STAT3: variants seen among roughly 807,000 people sequenced by gnomAD.
The protein encoded by STAT3 is signal transducer and activator of transcription 3.
Under a neutral mutation model 114.3 loss-of-function variants are expected in STAT3, and 7 were observed. That is an observed-to-expected ratio of 0.06 (90% confidence interval 0.03 to 0.11). The LOEUF (loss-of-function observed/expected upper bound fraction) is 0.11. Ranked by LOEUF, STAT3 falls within the 10% of genes least tolerant of loss-of-function variation. The probability of loss-of-function intolerance (pLI) is 1.00; values close to 1 mark genes in which losing one functional copy is unlikely to be tolerated. For missense variants in STAT3, 364 were observed against 960.9 expected, an observed-to-expected ratio of 0.38 and a Z score of 8.21; for synonymous variants, 331 against 354.5, an observed-to-expected ratio of 0.93 and a Z score of 0.74.
At chr17:42,351,151 A>G (rs1020765964) in intron 1 of STAT3, among the ~76,000 whole-genome samples, 3 of 151,888 alleles carry the variant, frequency 2.0e-5, no homozygotes, top group African/African-American at 7.2e-5. Flanking sequence ...AAAAAAAGAA[A>G]AGAAAAGAAA....
In STAT3 at chr17:42,337,496, G is replaced by A. The variant is rs2144873311; in HGVS notation, c.736C>T (p.Arg246Trp). The A allele has an allele frequency of 6.2e-7, 1 of 1,614,146 alleles. No individual in the cohort carries two copies. The highest frequency in any genetic ancestry group is 8.5e-7 in the Non-Finnish European group (1 of 1,180,024). Reference sequence around the variant, plus strand: ...CCTCCAATGCAGGCAATCTGTTGCCGCCTCTTCCAGTCAGCCAGCTCCTCG... The same window carrying A: ...CCTCCAATGCAGGCAATCTGTTGCCACCTCTTCCAGTCAGCCAGCTCCTCG... ...TDEELADWKR[R>W]QQIACIGGPP... The change falls in exon 8 of 24, where the codon CGG becomes TGG. Residue 246 changes from arginine (R) to tryptophan (W), a missense_variant. Arg to Trp is a moderately radical substitution (Grantham distance 101). This residue lies in a region of STAT3 where 294 missense variants were observed against 745.1 expected (regional missense o/e 0.39). Transcript: ENST00000264657. The surrounding 1 kb of genome is among the most constrained non-coding windows in gnomAD (Gnocchi z 4.0).
chr17:42,340,924 C>T (rs1426801572), intron 4 of STAT3, among the ~76,000 whole-genome samples: 1 of 152,124 alleles, frequency 6.6e-6, no homozygotes, highest in Non-Finnish European at 1.5e-5. Flanking sequence ...TATCCCTCTG[C>T]CTTGTTGGTC....
chr17:42,335,785 C>T (rs1276287630), intron 8 of STAT3, among the ~76,000 whole-genome samples: 1 of 152,082 alleles, frequency 6.6e-6, no homozygotes, highest in Non-Finnish European at 1.5e-5. Flanking sequence ...ATCGCTTGAA[C>T]CTGGGAGGAG....
rs756779964 is a variant in STAT3, at chr17:42,323,138, A to G, written c.1754T>C (p.Ile585Thr). Reference protein sequence around the residue: ...YILALWNEGYIMGFISKERER... With the variant: ...YILALWNEGYTMGFISKERER... ...CCGCTCCTTACTGATAAAGCCCATG[A>G]TGTACCTGGAGCCAAGGAGGAGGAA... Residue 585 changes from isoleucine (I) to threonine (T), a missense_variant, in exon 20 of 24, where the codon ATC (isoleucine) becomes ACC (threonine). Physicochemically the swap from Ile to Thr is moderately conservative, Grantham distance 89 (BLOSUM62 -1). Coordinates refer to ENST00000264657, the MANE Select transcript of STAT3 (RefSeq NM_139276.3). 1.7e-5 allele frequency: 27 copies of G among 1,614,068 alleles called. No homozygotes were observed. The highest frequency in any genetic ancestry group is 3.3e-4 in the Middle Eastern group (2 of 6,084).
At chr17:42,317,880 C>A (rs962825627) in intron 21 of STAT3, among the ~76,000 whole-genome samples, 15 of 152,130 alleles carry the variant, frequency 9.9e-5, no homozygotes, top group African/African-American at 3.1e-4. Flanking sequence ...ACTAGAAGAC[C>A]GGAGACCTGG....
intron 4 of STAT3, among the ~76,000 whole-genome samples, chr17:42,342,390 T>A (rs1432702444): frequency 6.6e-6 from 1 of 151,702 alleles, no homozygotes; most frequent in Non-Finnish European, 1.5e-5. Context: ...AGCTGAGACA[T>A]GAGAATCGCT....
chr17:42,352,106 C>T (rs542041077), intron 1 of STAT3, among the ~76,000 whole-genome samples: 26 of 151,998 alleles, frequency 1.7e-4, no homozygotes, highest in South Asian at 4.2e-4. Flanking sequence ...TTTGGGAGGC[C>T]GAGGCGGGTG....
chr17:42,314,847 GTT>G lies in STAT3; in HGVS notation c.*896_*897del, dbSNP rs1271175166. ...AGCACCAAGGAGGCTGTTAACTGAA[GTT>G]TCTTTTTTTTTTTTTTTTTTTTGAG... On this transcript the variant is annotated 3_prime_UTR_variant, in exon 24 of 24. Transcript: ENST00000264657. The G allele has an allele frequency of 1.6e-3, 265 of 165,042 alleles. No homozygotes were observed. Among genetic ancestry groups the G allele is most frequent in the African/African-American group, 6.7e-3 (246 of 36,874 alleles). 10.2% of individuals were successfully genotyped at this position (165,042 alleles called of 1,614,324 possible).
intron 1 of STAT3, among the ~76,000 whole-genome samples, chr17:42,356,979 C>A (rs113201308): frequency 6.6e-6 from 1 of 151,946 alleles, no homozygotes; most frequent in Non-Finnish European, 1.5e-5. Flanking sequence ...GTAGAGACGG[C>A]GCTTCACCAT....
intron 1 of STAT3, among the ~76,000 whole-genome samples, chr17:42,348,811 C>A (rs921323558): frequency 5.9e-5 from 9 of 151,996 alleles, no homozygotes; most frequent in Admixed American, 1.3e-4. Flanking sequence ...CAGGCATAAG[C>A]CAACACACCC....
At chr17:42,375,803 T>G (rs1293182434) in intron 1 of STAT3, among the ~76,000 whole-genome samples, 1 of 147,232 alleles carries the variant, frequency 6.8e-6, no homozygotes, top group Non-Finnish European at 1.5e-5. Flanking sequence ...CACTCCAGCC[T>G]GGGCAACAAG....
intron 4 of STAT3, among the ~76,000 whole-genome samples, chr17:42,344,851 C>G (rs1214993729): frequency 6.6e-6 from 1 of 151,558 alleles, no homozygotes; most frequent in Middle Eastern, 3.2e-3. Context: ...CTACACCTGG[C>G]TGTTTTTTAG....
chr17:42,381,569 TA>T (rs548780629), intron 1 of STAT3, among the ~76,000 whole-genome samples: 14 of 143,912 alleles, frequency 9.7e-5, no homozygotes, highest in East Asian at 2.0e-4. Flanking sequence ...ACTAAAAATA[TA>T]AAAAAAAAAA....
chr17:42,358,084 T>C (rs1598469792), intron 1 of STAT3, among the ~76,000 whole-genome samples: 2 of 152,286 alleles, frequency 1.3e-5, no homozygotes, highest in South Asian at 2.1e-4. Context: ...ACTTGAGTTA[T>C]AGTTCCCTAC....
intron 1 of STAT3, among the ~76,000 whole-genome samples, chr17:42,362,598 C>A (rs1467470390): frequency 1.3e-5 from 2 of 152,234 alleles, no homozygotes; most frequent in Admixed American, 6.5e-5. Context: ...CCACTTCGAT[C>A]ACTTAGCGTG....
At chr17:42,388,249 C>T in intron 1 of STAT3, 30 bp downstream of exon 1, 3 of 1,231,848 alleles carry the variant, frequency 2.4e-6, no homozygotes, top group Non-Finnish European at 3.0e-6. Context: ...CCCAGGCCTC[C>T]CCAACGGCCC....
At chr17:42,388,033 C>T in intron 1 of STAT3, 2 of 422,048 alleles carry the variant, frequency 4.7e-6, no homozygotes, top group East Asian at 3.7e-5. Flanking sequence ...CCCCACGGTG[C>T]CCCCTCGAGC....
intron 14 of STAT3, among the ~76,000 whole-genome samples, chr17:42,328,111 A>G (rs2081819300): frequency 6.6e-6 from 1 of 152,094 alleles, no homozygotes; most frequent in Non-Finnish European, 1.5e-5. Context: ...AAAGTAATAT[A>G]TTCAGTTTAA....
rs111455966 is a variant in STAT3, at chr17:42,325,258, C to T, written c.1366-197G>A. 666 of 582,784 alleles carry T rather than the reference C, an allele frequency of 1.1e-3. 1 individual carries two copies. The highest frequency in any genetic ancestry group is 1.7e-3 in the Non-Finnish European group (548 of 324,158). The allele number at this position is 582,784 out of a possible 1,614,324, so 36.1% of individuals were successfully genotyped here. ...GGAAAGAATGCCCAGCGTGGCCACA[C>T]AACTCAGGCTGCAGTCGGAATATAC... On this transcript the variant is annotated intron_variant, in intron 15 of 23. Transcript: ENST00000264657.
Sources: allele counts gnomAD v4.1 joint callset (sites outside exome capture counted in the v4.1 genomes callset), GRCh38; gene constraint gnomAD v4.1.1; regional missense constraint gnomAD v4.1.1; non-coding constraint Gnocchi (gnomAD v3.1); transcripts MANE v1.5; gene names NCBI Gene and HGNC (gene_info 2026-07-23, HGNC 2026-07-21).